The following FGGY variants were observed in gnomAD, a reference collection of about 807,000 sequenced individuals.
The protein encoded by FGGY is FGGY carbohydrate kinase domain containing.
Under a neutral mutation model 71.3 loss-of-function variants are expected in FGGY, and 72 were observed. The observed-to-expected ratio is 1.01, with a 90% CI of 0.84 to 1.23. The LOEUF (loss-of-function observed/expected upper bound fraction) is 1.23, where lower values mean the gene tolerates loss of function less well. Among genes scored for constraint, FGGY ranks in the 50% most tolerant of loss-of-function variants. The pLI is 0.00. For synonymous variants in FGGY, 251 were observed against 250.3 expected (o/e 1.00, Z -0.02); for missense variants, 668 against 682.3 (o/e 0.98, Z 0.23).
At chr1:59,641,216 T>C (rs2097022717) in intron 11 of FGGY, 1 of 1,306,678 alleles carries the variant, frequency 7.7e-7, no homozygotes, top group African/African-American at 1.5e-5. Context: ...GTCTAACCAA[T>C]GATAGATTGC....
chr1:59,344,847 C>T (rs2051481516), intron 3 of FGGY, among the ~76,000 whole-genome samples: 2 of 152,150 alleles, frequency 1.3e-5, no homozygotes, highest in South Asian at 2.1e-4. Context: ...TATTTTCAAT[C>T]CACGGTTGGT....
chr1:59,372,768 T>G (rs1345570287), intron 4 of FGGY, among the ~76,000 whole-genome samples: 1 of 152,140 alleles, frequency 6.6e-6, no homozygotes, highest in East Asian at 1.9e-4. Context: ...CGCAAATCAA[T>G]AAATGTAATC....
chr1:59,528,739 C>T (rs1436137706), intron 7 of FGGY, among the ~76,000 whole-genome samples: 1 of 152,114 alleles, frequency 6.6e-6, no homozygotes, highest in Non-Finnish European at 1.5e-5. Flanking sequence ...TGAATGAAAA[C>T]TTTATATGCC....
At chr1:59,324,533 C>G (rs1163148440) in intron 2 of FGGY, among the ~76,000 whole-genome samples, 1 of 151,998 alleles carries the variant, frequency 6.6e-6, no homozygotes, top group Non-Finnish European at 1.5e-5. Context: ...GCCTCGGCCT[C>G]CCAAAGTGCT....
chr1:59,478,381 C>A (rs1213833710), intron 6 of FGGY, among the ~76,000 whole-genome samples: 5 of 152,250 alleles, frequency 3.3e-5, no homozygotes, highest in Middle Eastern at 3.4e-3. Context: ...AAAGCTATAA[C>A]CTCACCTCAA....
chr1:59,705,751 A>G (rs971355163), intron 14 of FGGY, among the ~76,000 whole-genome samples: 2 of 152,192 alleles, frequency 1.3e-5, no homozygotes, highest in Non-Finnish European at 2.9e-5. Flanking sequence ...TCAAATGACT[A>G]TTGTGAGGTT....
chr1:59,478,574 C>A (rs754466918), intron 6 of FGGY, among the ~76,000 whole-genome samples: 5 of 152,108 alleles, frequency 3.3e-5, no homozygotes, highest in Non-Finnish European at 5.9e-5. Context: ...ATTAGAGATA[C>A]AGATACAATA....
intron 14 of FGGY, among the ~76,000 whole-genome samples, chr1:59,733,704 C>G (rs536057411): frequency 6.6e-6 from 1 of 152,308 alleles, no homozygotes; most frequent in South Asian, 2.1e-4. Flanking sequence ...TTCTCCTTCT[C>G]AGTTACTCCA....
chr1:59,711,595 A>G (rs1368019688), intron 14 of FGGY, among the ~76,000 whole-genome samples: 1 of 152,264 alleles, frequency 6.6e-6, no homozygotes, highest in African/African-American at 2.4e-5. Context: ...TGGGCAATTT[A>G]CAAAAGAAAG....
At chr1:59,699,910 A>G (rs989150178) in intron 14 of FGGY, among the ~76,000 whole-genome samples, 5 of 152,116 alleles carry the variant, frequency 3.3e-5, no homozygotes, top group African/African-American at 9.7e-5. Context: ...TCAATATTCT[A>G]TATCCATATT....
intron 14 of FGGY, among the ~76,000 whole-genome samples, chr1:59,739,098 G>C (rs1466833683): frequency 6.6e-6 from 1 of 152,196 alleles, no homozygotes; most frequent in African/African-American, 2.4e-5. Flanking sequence ...TTTCACAAAA[G>C]ACACCCTTGC....
At chr1:59,638,113 T>C in intron 10 of FGGY, 115 bp from the exon 11 acceptor site, 2 of 1,065,522 alleles carry the variant, frequency 1.9e-6, no homozygotes, top group Non-Finnish European at 2.7e-6. Context: ...TCTCTGAAGC[T>C]TTTAGGAGCC....
At chr1:59,536,781 T>C (rs1037388340) in intron 7 of FGGY, among the ~76,000 whole-genome samples, 19 of 152,142 alleles carry the variant, frequency 1.2e-4, no homozygotes, top group Non-Finnish European at 2.2e-4. Context: ...TGCAGGCCTT[T>C]GACAAAATTC....
chr1:59,469,365 C>T (rs1475633392), intron 6 of FGGY, among the ~76,000 whole-genome samples: 2 of 152,156 alleles, frequency 1.3e-5, no homozygotes, highest in Non-Finnish European at 2.9e-5. Flanking sequence ...TGCATCATCC[C>T]ATGGCAAAGG....
intron 4 of FGGY, among the ~76,000 whole-genome samples, chr1:59,350,205 A>G (rs962738446): frequency 1.3e-5 from 2 of 152,188 alleles, no homozygotes; most frequent in East Asian, 1.9e-4. Flanking sequence ...ACTGAGCTCA[A>G]CTATGAACCA....
chr1:59,398,619 C>T lies in FGGY; in HGVS notation c.554+19782C>T, dbSNP rs1463415450. Among the ~76,000 whole-genome samples, 10 of 152,106 alleles carry T rather than the reference C, an allele frequency of 6.6e-5. 1 individual carries two copies. Among genetic ancestry groups the T allele is most frequent in the Admixed American group, 5.2e-4 (8 of 15,270 alleles). On this transcript the variant is annotated intron_variant, in intron 5 of 15. Transcript: ENST00000303721. ...ATATGTTGACCTTCCTGTTTACCTCCATTTGTGGGCTTTTGGTTGTGAGCA... is the reference window on the plus strand; with the variant it reads ...ATATGTTGACCTTCCTGTTTACCTCTATTTGTGGGCTTTTGGTTGTGAGCA...
At chr1:59,473,612 G>A (rs1184384245) in intron 6 of FGGY, among the ~76,000 whole-genome samples, 1 of 152,196 alleles carries the variant, frequency 6.6e-6, no homozygotes, top group African/African-American at 2.4e-5. Context: ...CCAGAGCATA[G>A]TGGACCTGAA....
intron 8 of FGGY, among the ~76,000 whole-genome samples, chr1:59,589,599 A>T (rs2096386180): frequency 6.6e-6 from 1 of 152,258 alleles, no homozygotes; most frequent in Admixed American, 6.5e-5. Flanking sequence ...CTCAGACCAC[A>T]GTGCAATCAA....
At chr1:59,649,945 G>C (rs1231596007) in intron 11 of FGGY, among the ~76,000 whole-genome samples, 1 of 145,964 alleles carries the variant, frequency 6.9e-6, no homozygotes, top group Non-Finnish European at 1.5e-5. Context: ...AATTTCTTGA[G>C]AGTTTTTAGC....
Sources: allele counts gnomAD v4.1 joint callset (sites outside exome capture counted in the v4.1 genomes callset), GRCh38; gene constraint gnomAD v4.1.1; transcripts MANE v1.5; gene names NCBI Gene and HGNC (gene_info 2026-07-23, HGNC 2026-07-21).